GPC5: variants seen among roughly 807,000 people sequenced by gnomAD.
GPC5 encodes the protein glypican-5.
Under a neutral mutation model 53.9 loss-of-function variants are expected in GPC5, and 47 were observed. That is an observed-to-expected ratio of 0.87 (90% CI 0.69 to 1.11). The LOEUF (loss-of-function observed/expected upper bound fraction) is 1.11. Ranked by LOEUF, GPC5 falls within the 50% of genes most tolerant of loss-of-function variation. The probability of loss-of-function intolerance (pLI) is 0.00; values close to 1 mark genes in which losing one functional copy is unlikely to be tolerated. For synonymous variants in GPC5, 286 were observed against 263.3 expected, an observed-to-expected ratio of 1.09 and a Z score of -0.84; for missense variants, 748 against 713.1, an observed-to-expected ratio of 1.05 and a Z score of -0.56.
chr13:91,804,421 C>T (rs2138785708), intron 5 of GPC5, among the ~76,000 whole-genome samples: 1 of 152,302 alleles, frequency 6.6e-6, no homozygotes, highest in Non-Finnish European at 1.5e-5. Context: ...GCTTTACAAT[C>T]ATGACATTGG....
intron 7 of GPC5, among the ~76,000 whole-genome samples, chr13:92,558,306 A>T (rs1168198901): frequency 6.6e-6 from 1 of 152,050 alleles, no homozygotes; most frequent in African/African-American, 2.4e-5. Flanking sequence ...AATGTTCTTC[A>T]TTCTTTAAAG....
intron 7 of GPC5, among the ~76,000 whole-genome samples, chr13:92,246,691 A>G (rs1174994621): frequency 1.3e-5 from 2 of 152,190 alleles, no homozygotes; most frequent in African/African-American, 4.8e-5. Context: ...GAGAAACCTC[A>G]AACAGTATAG....
chr13:91,657,993 T>C (rs2034889343), intron 2 of GPC5, among the ~76,000 whole-genome samples: 1 of 152,228 alleles, frequency 6.6e-6, no homozygotes, highest in African/African-American at 2.4e-5. Context: ...AATTGAGCAG[T>C]GCATTATGTT....
intron 7 of GPC5, among the ~76,000 whole-genome samples, chr13:92,460,994 A>G (rs958686479): frequency 7.2e-5 from 11 of 152,196 alleles, no homozygotes; most frequent in Admixed American, 3.9e-4. Context: ...AAGATGTTAC[A>G]TGGAAAGAAA....
chr13:91,895,095 C>T (rs979416965), intron 5 of GPC5, among the ~76,000 whole-genome samples: 3 of 151,394 alleles, frequency 2.0e-5, no homozygotes, highest in East Asian at 1.9e-4. Flanking sequence ...AGAGAAGGTC[C>T]GCCTGAGTGA....
intron 7 of GPC5, among the ~76,000 whole-genome samples, chr13:92,376,399 A>C (rs756399931): frequency 4.6e-5 from 7 of 152,198 alleles, no homozygotes; most frequent in Non-Finnish European, 1.0e-4. Flanking sequence ...TGTAAAGATA[A>C]CTTGTCACCT....
chr13:91,801,076 A>T lies in GPC5; in HGVS notation c.1280+44656A>T, dbSNP rs191033086. The stretch of plus-strand genomic sequence containing the variant: ...TCTGCCTTTTTCTCTTAGCTTTGAA[A>T]TTCTCTTAAATAGAAATAATGTGGG... On this transcript the variant is annotated intron_variant, in intron 5 of 7. Coordinates refer to ENST00000377067, the MANE Select transcript of GPC5 (RefSeq NM_004466.6). Among the ~76,000 whole-genome samples, 310 of 152,248 alleles carry T rather than the reference A, an allele frequency of 2.0e-3. 2 individuals carry two copies. Among genetic ancestry groups the T allele is most frequent in the African/African-American group, 7.0e-3 (292 of 41,552 alleles).
At chr13:91,955,416 T>G (rs2040063911) in intron 6 of GPC5, among the ~76,000 whole-genome samples, 1 of 151,998 alleles carries the variant, frequency 6.6e-6, no homozygotes, top group South Asian at 2.1e-4. Flanking sequence ...AGAAGCAAAA[T>G]AGCAAGTAGA....
chr13:91,432,139 G>A lies in GPC5; in HGVS notation c.164-16622G>A, dbSNP rs1288767170. On this transcript the variant is annotated intron_variant, in intron 1 of 7. Coordinates refer to ENST00000377067, the MANE Select transcript of GPC5 (RefSeq NM_004466.6). The stretch of plus-strand genomic sequence containing the variant: ...CTTTTAAAACTTAGGGGATGAGACT[G>A]CAGTTAATTTTCTCATCCCTCATGT... Among the ~76,000 whole-genome samples the A allele has an allele frequency of 1.3e-5, 2 of 151,630 alleles. 1 individual carries two copies. Among genetic ancestry groups the A allele is most frequent in the Admixed American group, 1.3e-4 (2 of 15,216 alleles).
At chr13:91,786,466 T>C (rs556722) in intron 5 of GPC5, among the ~76,000 whole-genome samples, 55,107 of 151,986 alleles carry the variant, frequency 0.36, 11,674 homozygotes, top group African/African-American at 0.59. Flanking sequence ...GCCTATTTGA[T>C]TTTTTTATTT....
intron 7 of GPC5, among the ~76,000 whole-genome samples, chr13:92,316,547 G>T (rs2043180704): frequency 6.6e-6 from 1 of 151,972 alleles, no homozygotes; most frequent in Non-Finnish European, 1.5e-5. Context: ...ATAAAGAAAA[G>T]TACAATAAAA....
intron 7 of GPC5, among the ~76,000 whole-genome samples, chr13:92,188,659 T>C (rs982801988): frequency 1.3e-5 from 2 of 152,160 alleles, no homozygotes; most frequent in Non-Finnish European, 2.9e-5. Context: ...TGCATAACAG[T>C]TATATATAAC....
intron 7 of GPC5, among the ~76,000 whole-genome samples, chr13:92,257,567 T>TTTTTTTTTTTTTTGG (rs1555323586): frequency 1.4e-5 from 2 of 142,106 alleles, no homozygotes; most frequent in African/African-American, 5.7e-5. Context: ...TTTTTTTTTT[T>TTTTTTTTTTTTTTGG]GGGGACAGAG....
chr13:91,961,538 T>A (rs537668288), intron 6 of GPC5, among the ~76,000 whole-genome samples: 1 of 152,070 alleles, frequency 6.6e-6, no homozygotes, highest in Admixed American at 6.5e-5. Context: ...AGAATTCCAA[T>A]TCTAACAGAA....
intron 6 of GPC5, among the ~76,000 whole-genome samples, chr13:92,028,630 T>G (rs1341215326): frequency 1.3e-5 from 2 of 152,178 alleles, no homozygotes; most frequent in African/African-American, 4.8e-5. Context: ...TCATATTTTA[T>G]GTTTGTATTT....
intron 2 of GPC5, among the ~76,000 whole-genome samples, chr13:91,533,742 T>C (rs937151776): frequency 5.3e-5 from 8 of 152,168 alleles, no homozygotes; most frequent in African/African-American, 1.9e-4. Context: ...TAAATCTTTT[T>C]CCAACACCTT....
At chr13:91,623,212 ACTTAATAAT>A (rs1253195797) in intron 2 of GPC5, among the ~76,000 whole-genome samples, 4 of 152,134 alleles carry the variant, frequency 2.6e-5, no homozygotes, top group African/African-American at 9.7e-5. Context: ...TCAAAGGAAA[ACTTAATAAT>A]CTAGAGCTAA....
intron 6 of GPC5, among the ~76,000 whole-genome samples, chr13:92,126,097 G>C (rs537145607): frequency 6.6e-6 from 1 of 151,602 alleles, no homozygotes; most frequent in Non-Finnish European, 1.5e-5. Context: ...TGGGATTATA[G>C]GCACGTGCCA....
At chr13:92,469,209 T>C (rs1419879219) in intron 7 of GPC5, among the ~76,000 whole-genome samples, 3 of 152,092 alleles carry the variant, frequency 2.0e-5, no homozygotes, top group Non-Finnish European at 4.4e-5. Flanking sequence ...CTCTCTAATT[T>C]TTTTTTCTTT....
Sources: allele counts gnomAD v4.1 joint callset (sites outside exome capture counted in the v4.1 genomes callset), GRCh38; gene constraint gnomAD v4.1.1; transcripts MANE v1.5; gene names NCBI Gene and HGNC (gene_info 2026-07-23, HGNC 2026-07-21).